ESRRG: variants seen among roughly 807,000 people sequenced by gnomAD.
ESRRG encodes estrogen related receptor gamma.
In ESRRG, 13 loss-of-function variants were observed where a neutral mutation model predicts 44.0. The observed-to-expected ratio is 0.30, with a 90% CI of 0.19 to 0.47. ESRRG has a LOEUF of 0.47. ESRRG is among the 20% of genes least tolerant of loss of function. The pLI, the probability that ESRRG is intolerant of heterozygous loss-of-function variation, is 1.00. For synonymous variants in ESRRG, 215 were observed against 214.6 expected, an observed-to-expected ratio of 1.00 and a Z score of -0.02; for missense variants, 395 against 580.6, an observed-to-expected ratio of 0.68 and a Z score of 3.29.
chr1:216,627,600 T>C (rs930498100), intron 3 of ESRRG, among the ~76,000 whole-genome samples: 7 of 152,188 alleles, frequency 4.6e-5, no homozygotes, highest in Non-Finnish European at 7.3e-5. Flanking sequence ...ATTTCCCAAA[T>C]ACCTGGACAG....
intron 1 of ESRRG, among the ~76,000 whole-genome samples, chr1:217,060,042 C>T (rs1053751869): frequency 1.3e-5 from 2 of 151,798 alleles, no homozygotes; most frequent in East Asian, 1.9e-4. Flanking sequence ...TTGGGTAAAG[C>T]ACATGAAGGG....
chr1:216,730,272 T>A, intron 2 of ESRRG, among the ~76,000 whole-genome samples: 1 of 117,784 alleles, frequency 8.5e-6, no homozygotes, highest in Admixed American at 1.0e-4. Flanking sequence ...GTAAACCAAA[T>A]GGTCCTCTAC....
chr1:216,853,148 T>G (rs1166696423), intron 2 of ESRRG, among the ~76,000 whole-genome samples: 1 of 152,190 alleles, frequency 6.6e-6, no homozygotes, highest in East Asian at 1.9e-4. Flanking sequence ...AAGGACTGAA[T>G]CAAGTTAATG....
chr1:217,022,661 G>A (rs950243673), intron 1 of ESRRG, among the ~76,000 whole-genome samples: 51 of 152,156 alleles, frequency 3.4e-4, no homozygotes, highest in African/African-American at 1.1e-3. Context: ...CACCTCAACC[G>A]GTATGTCTAG....
intron 3 of ESRRG, among the ~76,000 whole-genome samples, chr1:216,629,470 G>A (rs1201977267): frequency 6.6e-6 from 1 of 152,124 alleles, no homozygotes. Flanking sequence ...GAATACCTAT[G>A]AAAAATAAGT....
At chr1:216,671,961 G>A (rs975182848) in intron 2 of ESRRG, among the ~76,000 whole-genome samples, 1 of 151,552 alleles carries the variant, frequency 6.6e-6, no homozygotes, top group African/African-American at 2.4e-5. Flanking sequence ...TCCTTCTCTT[G>A]CCTCCTTAAC....
chr1:217,035,930 T>G (rs1051535854), intron 1 of ESRRG, among the ~76,000 whole-genome samples: 3 of 152,086 alleles, frequency 2.0e-5, no homozygotes, highest in Non-Finnish European at 2.9e-5. Flanking sequence ...GGTCTAATAT[T>G]CAGCATATGT....
chr1:216,513,411 G>A (rs181849748), intron 6 of ESRRG, among the ~76,000 whole-genome samples: 1 of 152,242 alleles, frequency 6.6e-6, no homozygotes, highest in East Asian at 1.9e-4. Context: ...ATCGAAAATA[G>A]TAATAATAAT....
At chr1:216,579,468 A>G (rs1359546119) in intron 3 of ESRRG, among the ~76,000 whole-genome samples, 1 of 152,142 alleles carries the variant, frequency 6.6e-6, no homozygotes, top group Non-Finnish European at 1.5e-5. Flanking sequence ...TGTACATGTG[A>G]AGTATTGTAC....
At chr1:216,939,799 T>C (rs1025527603) in intron 1 of ESRRG, 6 of 152,152 alleles carry the variant, frequency 3.9e-5, no homozygotes, top group Middle Eastern at 3.4e-3. Context: ...TAAGCACACA[T>C]TAATAGCTAT....
chr1:217,016,352 T>C (rs537323960), intron 1 of ESRRG, among the ~76,000 whole-genome samples: 7 of 152,222 alleles, frequency 4.6e-5, no homozygotes, highest in Admixed American at 3.3e-4. Flanking sequence ...TTGGCTCTCA[T>C]GTGATCCGAT....
chr1:216,747,639 T>A (rs2091557006), intron 2 of ESRRG, among the ~76,000 whole-genome samples: 2 of 152,210 alleles, frequency 1.3e-5, no homozygotes, highest in South Asian at 4.1e-4. Flanking sequence ...AAACACTTAA[T>A]ACCAAAATAC....
intron 1 of ESRRG, among the ~76,000 whole-genome samples, chr1:217,110,744 C>A (rs1199066980): frequency 2.6e-5 from 4 of 152,164 alleles, no homozygotes. Context: ...CCCCAGGATC[C>A]AAACACATCC....
intron 2 of ESRRG, among the ~76,000 whole-genome samples, chr1:216,833,228 A>C (rs955217735): frequency 6.6e-6 from 1 of 151,138 alleles, no homozygotes; most frequent in African/African-American, 2.4e-5. Context: ...CTAAAAAAAA[A>C]CACCCAATGT....
intron 3 of ESRRG, among the ~76,000 whole-genome samples, chr1:216,589,448 A>G (rs2149967147): frequency 6.6e-6 from 1 of 152,260 alleles, no homozygotes; most frequent in East Asian, 1.9e-4. Flanking sequence ...TCTTCTTCTG[A>G]TGTGACCCAG....
At chr1:216,700,174 G>A (rs774966012) in intron 1 of ESRRG, among the ~76,000 whole-genome samples, 4 of 151,498 alleles carry the variant, frequency 2.6e-5, no homozygotes, top group Non-Finnish European at 4.4e-5. Flanking sequence ...ACTATTAAGC[G>A]GGGAGTCTTG....
intron 5 of ESRRG, among the ~76,000 whole-genome samples, chr1:216,524,622 T>G (rs138417606): frequency 2.6e-4 from 40 of 152,206 alleles, no homozygotes; most frequent in African/African-American, 8.7e-4. Flanking sequence ...GCTAGCTAAT[T>G]TAGTCATTTG....
Position 216,729,915 on chromosome 1 carries a change from T to G in ESRRG, c.-13-52424A>C, listed in dbSNP as rs552509726. 5.9e-5 allele frequency among the ~76,000 whole-genome samples: 9 copies of G among 152,240 alleles called. No individual in the cohort carries two copies. In the South Asian group the frequency reaches 1.9e-3, roughly 32 times the overall value. On this transcript the variant is annotated intron_variant, in intron 2 of 7. Transcript: ENST00000359162. ...TGCTCTTGTTACATTGAATGGCCACTAATCTATGGCAGCACATAAAGTCTG... is the reference window on the plus strand; with the variant it reads ...TGCTCTTGTTACATTGAATGGCCACGAATCTATGGCAGCACATAAAGTCTG...
intron 1 of ESRRG, among the ~76,000 whole-genome samples, chr1:217,022,634 A>G (rs1395996353): frequency 6.6e-6 from 1 of 152,062 alleles, no homozygotes; most frequent in Non-Finnish European, 1.5e-5. Context: ...GGGAGCATCG[A>G]CCCTGTGCTT....
Sources: allele counts gnomAD v4.1 joint callset (sites outside exome capture counted in the v4.1 genomes callset), GRCh38; gene constraint gnomAD v4.1.1; transcripts MANE v1.5; gene names NCBI Gene and HGNC (gene_info 2026-07-23, HGNC 2026-07-21).